LDLRAD2: variants seen among roughly 807,000 people sequenced by gnomAD.
LDLRAD2 encodes low-density lipoprotein receptor class A domain-containing protein 2.
LDLRAD2 carries 25 observed loss-of-function variants against 24.9 expected under a neutral mutation model. The observed-to-expected ratio is 1.00, with a 90% CI of 0.73 to 1.40. The LOEUF is 1.40. Among genes scored for constraint, LDLRAD2 ranks in the 40% most tolerant of loss-of-function variants. LDLRAD2 has a pLI of 0.00. For missense variants in LDLRAD2, 391 were observed against 366.2 expected, an observed-to-expected ratio of 1.07 and a Z score of -0.55; for synonymous variants, 182 against 166.7, an observed-to-expected ratio of 1.09 and a Z score of -0.71.
At chr1:21,814,090 C>CG (rs1208324601) in intron 1 of LDLRAD2, among the ~76,000 whole-genome samples, 2 of 152,054 alleles carry the variant, frequency 1.3e-5, no homozygotes, top group Non-Finnish European at 2.9e-5. Flanking sequence ...AGGCTGGTCT[C>CG]GAACTCCTGA....
chr1:21,814,948 A>G (rs1394467546), intron 2 of LDLRAD2, 125 bp downstream of exon 2: 5 of 939,978 alleles, frequency 5.3e-6, no homozygotes, highest in African/African-American at 1.7e-5. Flanking sequence ...GAAGCACAAG[A>G]TGGCAGGGAC....
rs1321895480 is a variant in LDLRAD2 at position 21,825,011 on chromosome 1, C to T, written c.*2796C>T. 5.2e-6 allele frequency: 3 copies of T among 573,344 alleles called. No homozygotes were observed. The highest frequency in any genetic ancestry group is 9.5e-6 in the Non-Finnish European group (3 of 316,918). 35.5% of individuals were successfully genotyped at this position (573,344 alleles called of 1,614,324 possible). The stretch of plus-strand genomic sequence containing the variant: ...TCTCACTGAAATTGAGCAGTTCTTT[C>T]AATGAGATGTAGGCAAGAAACCAAA... On this transcript the variant is annotated 3_prime_UTR_variant, in exon 5 of 5. Transcript: ENST00000344642.
In LDLRAD2 at chr1:21,824,025, A is replaced by G. The variant is rs1305505518; in HGVS notation, c.*1810A>G. 2.5e-6 allele frequency: 3 copies of G among 1,201,702 alleles called. No homozygotes were observed. In the East Asian group the frequency reaches 7.5e-5, roughly 30 times the overall value. 74.4% of individuals were successfully genotyped at this position (1,201,702 alleles called of 1,614,324 possible). A position where few individuals can be genotyped will look rare whatever the true frequency, so the allele number is the denominator to read the frequency against. ...CCCTGGCTTCAAGTTCTGTCTCCACAGAGCTCAATACCTGCCTCTCTGCCC... is the reference window on the plus strand; with the variant it reads ...CCCTGGCTTCAAGTTCTGTCTCCACGGAGCTCAATACCTGCCTCTCTGCCC... On this transcript the variant is annotated 3_prime_UTR_variant, in exon 5 of 5. Transcript: ENST00000344642. The surrounding 1 kb of genome is among the most constrained non-coding windows in gnomAD (Gnocchi z 5.9).
chr1:21,814,475 T>C lies in LDLRAD2; in HGVS notation c.163T>C (p.Phe55Leu). ...GCGCTCGCACGCCGCATCGCGCAGGTTCTACTTCGTGGCTCCGGACACCGA... is the reference window on the plus strand; with the variant it reads ...GCGCTCGCACGCCGCATCGCGCAGGCTCTACTTCGTGGCTCCGGACACCGA... Reference protein sequence around the residue: ...LLRSHAASRRFYFVAPDTDCG... With the variant: ...LLRSHAASRRLYFVAPDTDCG... Residue 55 changes from phenylalanine to leucine, a missense_variant, in exon 2 of 5, where the codon TTC becomes CTC. Transcript: ENST00000344642. 6.2e-7 allele frequency: 1 copy of C among 1,612,290 alleles called. No homozygotes were observed.
Position 21,822,874 on chromosome 1 carries a change from G to A in LDLRAD2, c.*659G>A, listed in dbSNP as rs1272398722. On this transcript the variant is annotated 3_prime_UTR_variant, in exon 5 of 5. Coordinates refer to ENST00000344642, the MANE Select transcript of LDLRAD2 (RefSeq NM_001013693.3). ...CTAAAGACAATTCCCAATCCTGAGT[G>A]GGTGGCAGAGACTCCTGCGATGCCC... The A allele has an allele frequency of 6.1e-6, 1 of 164,988 alleles. No homozygotes were observed. The highest frequency in any genetic ancestry group is 5.9e-5 in the Admixed American group (1 of 16,996). 10.2% of individuals were successfully genotyped at this position (164,988 alleles called of 1,614,324 possible).
In LDLRAD2 at chr1:21,825,038, T is replaced by C. The variant is rs2097966219; in HGVS notation, c.*2823T>C. Reference sequence around the variant, plus strand: ...ATGAGATGTAGGCAAGAAACCAAAGTAGCAGTGGTAGGACCTGCAACTTTG... The same window carrying C: ...ATGAGATGTAGGCAAGAAACCAAAGCAGCAGTGGTAGGACCTGCAACTTTG... On this transcript the variant is annotated 3_prime_UTR_variant, in exon 5 of 5. Coordinates refer to ENST00000344642, the MANE Select transcript of LDLRAD2 (RefSeq NM_001013693.3). 1 of 526,176 alleles carries C rather than the reference T, an allele frequency of 1.9e-6. No homozygotes were observed. Among genetic ancestry groups the C allele is most frequent in the African/African-American group, 1.9e-5 (1 of 52,342 alleles). The allele number at this position is 526,176 out of a possible 1,614,324, so 32.6% of individuals were successfully genotyped here. A position where few individuals can be genotyped will look rare whatever the true frequency, so the allele number is the denominator to read the frequency against.
intron 1 of LDLRAD2, 48 bp downstream of exon 1, chr1:21,812,584 C>T (rs767234683): frequency 1.8e-5 from 26 of 1,477,564 alleles, no homozygotes; most frequent in Non-Finnish European, 2.5e-5. Context: ...CTTGGGCCCC[C>T]ACCATCCTTA....
At chr1:21,818,299 T>C (rs140221241) in intron 3 of LDLRAD2, among the ~76,000 whole-genome samples, 1,754 of 152,188 alleles carry the variant, frequency 0.012, 17 homozygotes, top group Non-Finnish European at 0.016. Flanking sequence ...GGCGTGAGCC[T>C]CCGCACCCGG....
chr1:21,823,400 G>C lies in LDLRAD2; in HGVS notation c.*1185G>C. 6.4e-7 allele frequency: 1 copy of C among 1,568,866 alleles called. No individual in the cohort carries two copies. The highest frequency in any genetic ancestry group is 8.6e-7 in the Non-Finnish European group (1 of 1,162,090). On this transcript the variant is annotated 3_prime_UTR_variant, in exon 5 of 5. Coordinates refer to ENST00000344642, the MANE Select transcript of LDLRAD2 (RefSeq NM_001013693.3). ...GCTGTGGGGGCGGGGCGCCGGGTCG[G>C]GCCGAGTGCAGCACCAGGTTCTTGA...
Position 21,824,420 on chromosome 1 carries a change from G to C in LDLRAD2, c.*2205G>C, listed in dbSNP as rs546733908. 1.7e-5 allele frequency: 27 copies of C among 1,608,484 alleles called. No homozygotes were observed. The highest frequency in any genetic ancestry group is 2.2e-5 in the Non-Finnish European group (26 of 1,175,666). ...GTCTCTGGGGTCCCCAGCCTGGAGAGCAGAGGCTGCCGAGGCCAGGGGGCT... is the reference window on the plus strand; with the variant it reads ...GTCTCTGGGGTCCCCAGCCTGGAGACCAGAGGCTGCCGAGGCCAGGGGGCT... On this transcript the variant is annotated 3_prime_UTR_variant, in exon 5 of 5. Transcript: ENST00000344642. The surrounding 1 kb of genome is among the most constrained non-coding windows in gnomAD (Gnocchi z 5.9).
chr1:21,816,698 T>C (rs1053393153), intron 3 of LDLRAD2, among the ~76,000 whole-genome samples: 3 of 152,114 alleles, frequency 2.0e-5, no homozygotes, highest in African/African-American at 7.2e-5. Context: ...AGGGCTGCCA[T>C]GTACAGTTGA....
intron 3 of LDLRAD2, among the ~76,000 whole-genome samples, chr1:21,817,262 T>G (rs138992551): frequency 6.6e-6 from 1 of 152,198 alleles, no homozygotes; most frequent in African/African-American, 2.4e-5. Context: ...GTCTCCCTCC[T>G]TCTGTCCTTT....
rs1157151905 is a variant in LDLRAD2, at chr1:21,822,276, C to A, written c.*61C>A. The A allele has an allele frequency of 6.4e-7, 1 of 1,557,824 alleles. No homozygotes were observed. Among genetic ancestry groups the A allele is most frequent in the East Asian group, 2.2e-5 (1 of 44,578 alleles). On this transcript the variant is annotated 3_prime_UTR_variant, in exon 5 of 5. Transcript: ENST00000344642. ...GATAGCACCGTTTATTAAGAAAAAT[C>A]AAGACAAAGACCACAGGAGGGTCCC...
Position 21,824,775 on chromosome 1 carries a change from G to T in LDLRAD2, c.*2560G>T. 1 of 1,611,960 alleles carries T rather than the reference G, an allele frequency of 6.2e-7. No individual in the cohort carries two copies. Among genetic ancestry groups the T allele is most frequent in the South Asian group, 1.1e-5 (1 of 90,662 alleles). On this transcript the variant is annotated 3_prime_UTR_variant, in exon 5 of 5. Coordinates refer to ENST00000344642, the MANE Select transcript of LDLRAD2 (RefSeq NM_001013693.3). This position sits in a 1 kb window ranked among gnomAD's most constrained non-coding sequence, Gnocchi z 5.9. Reference sequence around the variant, plus strand: ...GGAAATAGGCTCCGTACTGCCCAGGGGCATCTGTGGGAGAGAGGAGGGTGG... The same window carrying T: ...GGAAATAGGCTCCGTACTGCCCAGGTGCATCTGTGGGAGAGAGGAGGGTGG...
In LDLRAD2 at chr1:21,823,803, C is replaced by T. The variant is rs545327188; in HGVS notation, c.*1588C>T. 5 of 1,039,644 alleles carry T rather than the reference C, an allele frequency of 4.8e-6. No individual in the cohort carries two copies. In the East Asian group the frequency reaches 9.6e-5, roughly 20 times the overall value. 64.4% of individuals were successfully genotyped at this position (1,039,644 alleles called of 1,614,324 possible). A position where few individuals can be genotyped will look rare whatever the true frequency, so the allele number is the denominator to read the frequency against. On this transcript the variant is annotated 3_prime_UTR_variant, in exon 5 of 5. Coordinates refer to ENST00000344642, the MANE Select transcript of LDLRAD2 (RefSeq NM_001013693.3). The stretch of plus-strand genomic sequence containing the variant: ...CGACAGAGTCCCCTCCCTCTGATAT[C>T]GAGACTCCAGACTCAGAAGTCTGTC...
At position 21,814,593 on chromosome 1, in the gene LDLRAD2, C is replaced by T; in HGVS notation, c.281C>T (p.Pro94Leu). 6.2e-7 allele frequency: 1 copy of T among 1,611,686 alleles called. No homozygotes were observed. Among genetic ancestry groups the T allele is most frequent in the Non-Finnish European group, 8.5e-7 (1 of 1,179,272 alleles). ...GTCTACAGCCTGACCCCCGCGCCCC[C>T]GGCGCTCAACACCTCCTCCCCGGCC... ...FLVYSLTPAPPALNTSSPAPA... is the reference protein window; with the variant it reads ...FLVYSLTPAPLALNTSSPAPA... Residue 94 changes from proline to leucine, a missense_variant, in exon 2 of 5, where the codon CCG (proline) becomes CTG (leucine). By Grantham distance (98) the Pro-to-Leu change is moderately conservative. Transcript: ENST00000344642.
intron 3 of LDLRAD2, among the ~76,000 whole-genome samples, chr1:21,818,907 C>A (rs2097947160): frequency 7.4e-6 from 1 of 134,890 alleles, no homozygotes; most frequent in Non-Finnish European, 1.6e-5. Flanking sequence ...CGCCTCCTCC[C>A]TGCCCCACCC....
At chr1:21,814,862 G>C in intron 2 of LDLRAD2, 39 bp downstream of exon 2, 1 of 1,440,014 alleles carries the variant, frequency 6.9e-7, no homozygotes, top group Non-Finnish European at 9.1e-7. Context: ...ACCCTCTGCA[G>C]AGGCCATGCG....
chr1:21,816,498 G>A (rs1175026037), intron 3 of LDLRAD2, among the ~76,000 whole-genome samples: 1 of 152,200 alleles, frequency 6.6e-6, no homozygotes, highest in African/African-American at 2.4e-5. Context: ...GGCCTAGAGA[G>A]AAGTGACTTG....
Sources: allele counts gnomAD v4.1 joint callset (sites outside exome capture counted in the v4.1 genomes callset), GRCh38; gene constraint gnomAD v4.1.1; non-coding constraint Gnocchi (gnomAD v3.1); transcripts MANE v1.5; gene names NCBI Gene and HGNC (gene_info 2026-07-23, HGNC 2026-07-21).